Variants in OTUD7B observed in about 807,000 individuals in gnomAD.
OTUD7B encodes the protein OTU deubiquitinase 7B, also known as OTU domain-containing protein 7B.
OTUD7B carries 34 observed loss-of-function variants against 82.2 expected under a neutral mutation model. The observed-to-expected ratio is 0.41, with a 90% CI of 0.31 to 0.55. The LOEUF is 0.55. OTUD7B is among the 20% of genes least tolerant of loss of function. The pLI is 0.20. For missense variants in OTUD7B, 944 were observed against 1,062.1 expected (o/e 0.89, Z 1.55); for synonymous variants, 398 against 402.7 (o/e 0.99, Z 0.14).
chr1:150,008,834 T>C (rs1158581711), intron 1 of OTUD7B, among the ~76,000 whole-genome samples: 1 of 152,214 alleles, frequency 6.6e-6, no homozygotes, highest in African/African-American at 2.4e-5. Context: ...CCTTCTTAAT[T>C]ATTCCTAGTA....
In OTUD7B at chr1:149,978,867, G is replaced by A. The variant is rs587647204; in HGVS notation, c.-66-1291C>T. ...GAAGACTCATTCATTAAGTTGCCAG[G>A]TACACTTGCCCTACCATACCCACCA... On this transcript the variant is annotated intron_variant, in intron 1 of 11. Coordinates refer to ENST00000581312, the MANE Select transcript of OTUD7B (RefSeq NM_020205.4). Among the ~76,000 whole-genome samples, 32 of 152,286 alleles carry A rather than the reference G, an allele frequency of 2.1e-4. 1 individual carries two copies. The South Asian group carries it at 5.4e-3, about 26-fold the overall frequency.
chr1:149,946,404 G>A (rs1559823767), intron 11 of OTUD7B, among the ~76,000 whole-genome samples: 2 of 152,028 alleles, frequency 1.3e-5, no homozygotes, highest in South Asian at 2.1e-4. Flanking sequence ...AACAGAGACT[G>A]GCTGGAGAGG....
the OTUD7B span, among the ~76,000 whole-genome samples, chr1:150,023,544 T>C: frequency 6.6e-6 from 1 of 152,180 alleles, no homozygotes; most frequent in Non-Finnish European, 1.5e-5. Context: ...GAAAGACAGA[T>C]ACCGTATAAT....
intron 1 of OTUD7B, among the ~76,000 whole-genome samples, chr1:149,986,876 T>C (rs891152391): frequency 1.3e-5 from 2 of 152,210 alleles, no homozygotes. Context: ...AAACAAAATA[T>C]AACCTTCTTA....
chr1:149,962,998 A>T (rs1649261691), intron 6 of OTUD7B: 1 of 152,198 alleles, frequency 6.6e-6, no homozygotes, highest in Admixed American at 6.5e-5. Flanking sequence ...TCTGGGGAAG[A>T]CTGGCTGCTC....
the OTUD7B span, among the ~76,000 whole-genome samples, chr1:150,017,561 G>A: frequency 6.6e-6 from 1 of 152,158 alleles, no homozygotes; most frequent in Non-Finnish European, 1.5e-5. Flanking sequence ...ACACACCCCA[G>A]GCTTGGAGGA....
chr1:150,006,890 G>A (rs1652708467), intron 1 of OTUD7B, among the ~76,000 whole-genome samples: 1 of 152,196 alleles, frequency 6.6e-6, no homozygotes, highest in Admixed American at 6.5e-5. Context: ...GAGTCACAAT[G>A]TACGGATGCC....
intron 1 of OTUD7B, among the ~76,000 whole-genome samples, chr1:149,985,116 C>A (rs782500700): frequency 3.3e-5 from 5 of 152,110 alleles, no homozygotes; most frequent in Non-Finnish European, 7.4e-5. Context: ...GACTCAAATT[C>A]CTATACAGAG....
At position 149,992,632 on chromosome 1, in the gene OTUD7B, C is replaced by T. The variant is rs1416395858; in HGVS notation, c.-66-15056G>A. Among the ~76,000 whole-genome samples, 5 of 151,866 alleles carry T rather than the reference C, an allele frequency of 3.3e-5. No individual in the cohort carries two copies. In the East Asian group the frequency reaches 5.9e-4, roughly 18 times the overall value. On this transcript the variant is annotated intron_variant, in intron 1 of 11. Coordinates refer to ENST00000581312, the MANE Select transcript of OTUD7B (RefSeq NM_020205.4). ...CTGGGATTATAGGTGTGCACCACCACACCTGGCTAATTTTTGTATCATAAA... is the reference window on the plus strand; with the variant it reads ...CTGGGATTATAGGTGTGCACCACCATACCTGGCTAATTTTTGTATCATAAA...
At chr1:149,999,249 G>C (rs1350802080) in intron 1 of OTUD7B, among the ~76,000 whole-genome samples, 19 of 152,198 alleles carry the variant, frequency 1.2e-4, no homozygotes, top group Admixed American at 1.2e-3. Flanking sequence ...ACTTAAAGTT[G>C]TTAAAATGAC....
At chr1:149,983,583 C>G (rs914224302) in intron 1 of OTUD7B, among the ~76,000 whole-genome samples, 1 of 151,866 alleles carries the variant, frequency 6.6e-6, no homozygotes, top group Non-Finnish European at 1.5e-5. Flanking sequence ...AAAGGAAGAA[C>G]GCTCCAAGCA....
intron 1 of OTUD7B, among the ~76,000 whole-genome samples, chr1:149,986,294 G>C (rs181848166): frequency 6.6e-6 from 1 of 151,754 alleles, no homozygotes; most frequent in Admixed American, 6.6e-5. Context: ...TAGTCTATCA[G>C]TGTTGTACAC....
chr1:150,059,077 G>T, the OTUD7B span, among the ~76,000 whole-genome samples: 4 of 132,590 alleles, frequency 3.0e-5, no homozygotes, highest in Non-Finnish European at 6.2e-5. Context: ...TTTTTGTGAC[G>T]GAGTCTTACT....
At chr1:149,971,478 ACTTTGTCCCTCTGAACTAAAAGAGCC>A (rs1378970472) in intron 2 of OTUD7B, among the ~76,000 whole-genome samples, 1 of 152,086 alleles carries the variant, frequency 6.6e-6, no homozygotes, top group Non-Finnish European at 1.5e-5. Flanking sequence ...GAAAATAGAA[ACTTTGTCCCTCTGAACTAAAAGAGCC>A]CTTAAAGATC....
chr1:149,984,730 T>C (rs1342502511), intron 1 of OTUD7B, among the ~76,000 whole-genome samples: 1 of 152,196 alleles, frequency 6.6e-6, no homozygotes, highest in African/African-American at 2.4e-5. Context: ...TCCCATCCTT[T>C]CAAACTATTC....
Position 149,964,885 on chromosome 1 carries a change from C to A in OTUD7B, c.605-536G>T, listed in dbSNP as rs182486349. Among the ~76,000 whole-genome samples, 956 of 142,672 alleles carry A rather than the reference C, an allele frequency of 6.7e-3. 9 individuals carry two copies. Among genetic ancestry groups the A allele is most frequent in the Non-Finnish European group, 0.011 (735 of 66,016 alleles). 93.6% of individuals were successfully genotyped at this position (142,672 alleles called of 152,430 possible). ...CTGGGACTACAGGCGTGAGCCACCA[C>A]GCCTGACCTTTTTTTTTTTTTGTAG... On this transcript the variant is annotated intron_variant, in intron 5 of 11. Transcript: ENST00000581312.
chr1:150,050,909 T>G, the OTUD7B span, among the ~76,000 whole-genome samples: 2 of 83,222 alleles, frequency 2.4e-5, no homozygotes, highest in Admixed American at 1.6e-4. Context: ...TGCTGGCAGA[T>G]AGTCCTTAAA....
chr1:149,979,903 C>A (rs1316330471), intron 1 of OTUD7B, among the ~76,000 whole-genome samples: 1 of 151,812 alleles, frequency 6.6e-6, no homozygotes, highest in Non-Finnish European at 1.5e-5. Flanking sequence ...TGTATAGCTG[C>A]AAAATAAATT....
chr1:149,970,407 C>T (rs1553777393), intron 3 of OTUD7B, among the ~76,000 whole-genome samples: 1 of 151,266 alleles, frequency 6.6e-6, no homozygotes, highest in Non-Finnish European at 1.5e-5. Flanking sequence ...CAACCTCCAC[C>T]TCCCAAGTTC....
Sources: gnomAD v4.1 joint callset for allele counts (sites outside exome capture counted in the v4.1 genomes callset) on GRCh38, gnomAD v4.1.1 for gene constraint, MANE v1.5 for transcripts, NCBI Gene and HGNC (gene_info 2026-07-23, HGNC 2026-07-21) for gene names.